SND1: variants seen among roughly 807,000 people sequenced by gnomAD.
SND1 encodes staphylococcal nuclease domain-containing protein 1.
Under a neutral mutation model 121.7 loss-of-function variants are expected in SND1, and 38 were observed. The ratio of observed to expected loss-of-function variants is 0.31; its 90% CI spans 0.24 to 0.41. SND1 has a LOEUF of 0.41. Ranked by LOEUF, SND1 falls within the 10% of genes least tolerant of loss-of-function variation. The pLI is 1.00. For missense variants in SND1, 868 were observed against 1,184.6 expected, an observed-to-expected ratio of 0.73 and a Z score of 3.92; for synonymous variants, 401 against 447.4, an observed-to-expected ratio of 0.90 and a Z score of 1.31.
intron 15 of SND1, among the ~76,000 whole-genome samples, chr7:127,939,600 G>A (rs1383755079): frequency 6.6e-6 from 1 of 152,180 alleles, no homozygotes; most frequent in Non-Finnish European, 1.5e-5. Flanking sequence ...GAGGGAGACA[G>A]CAAGGCCGAT....
At chr7:128,033,250 G>A (rs928283597) in intron 16 of SND1, among the ~76,000 whole-genome samples, 2 of 152,150 alleles carry the variant, frequency 1.3e-5, no homozygotes, top group African/African-American at 4.8e-5. Flanking sequence ...TAGGAGAAGG[G>A]GACTAGGTCA....
rs370033549 is a variant in SND1, at chr7:127,967,463, G to A, written c.1670-23484G>A. Among the ~76,000 whole-genome samples, 30 of 152,260 alleles carry A rather than the reference G, an allele frequency of 2.0e-4. No individual in the cohort carries two copies. The South Asian group carries it at 5.8e-3, about 29-fold the overall frequency. On this transcript the variant is annotated intron_variant, in intron 15 of 23. Transcript: ENST00000354725. Reference sequence around the variant, plus strand: ...TGCCATCCATGCTGTATCTTTCAGGGAGCATGAATAACTATGGCTTGATGT... The same window carrying A: ...TGCCATCCATGCTGTATCTTTCAGGAAGCATGAATAACTATGGCTTGATGT...
chr7:128,054,226 TG>T (rs1342320388), intron 16 of SND1, among the ~76,000 whole-genome samples: 1 of 152,134 alleles, frequency 6.6e-6, no homozygotes, highest in Non-Finnish European at 1.5e-5. Flanking sequence ...AGCCCTCCAG[TG>T]GCAGGAAGGC....
At position 128,081,475 on chromosome 7, in the gene SND1, A is replaced by G; in HGVS notation, c.2084A>G (p.His695Arg). ...VFVTEITDDL[H>R]FYVQDVETGT... ...GTGACTGAGATCACTGATGACCTGC[A>G]CTTCTACGTGCAGGATGTGGAGACC... The change falls in exon 18 of 24, where the codon CAC becomes CGC. Residue 695 changes from histidine to arginine, a missense_variant. By Grantham distance (29) the His-to-Arg change is conservative. Around this residue, in one of 2 missense-constraint regions of SND1, gnomAD observed 743 missense variants for 1,071.3 expected, o/e 0.69. Transcript: ENST00000354725. 6.2e-7 allele frequency: 1 copy of G among 1,614,114 alleles called. No individual in the cohort carries two copies. The highest frequency in any genetic ancestry group is 8.5e-7 in the Non-Finnish European group (1 of 1,180,006).
At chr7:128,003,384 T>G (rs1275286295) in intron 16 of SND1, among the ~76,000 whole-genome samples, 2 of 152,196 alleles carry the variant, frequency 1.3e-5, no homozygotes, top group Admixed American at 6.5e-5. Context: ...GCTGTTTTCC[T>G]TTTCAGCTTA....
At position 127,694,919 on chromosome 7, in the gene SND1, G is replaced by T; in HGVS notation, c.320G>T (p.Arg107Leu). 6.2e-7 allele frequency: 1 copy of T among 1,613,800 alleles called. No individual in the cohort carries two copies. Among genetic ancestry groups the T allele is most frequent in the Non-Finnish European group, 8.5e-7 (1 of 1,179,772 alleles). Residue 107 changes from arginine (R) to leucine (L), a missense_variant, in exon 3 of 24, where the codon CGA becomes CTA. Physicochemically the swap from Arg to Leu is moderately radical, Grantham distance 102. This residue lies in a region of SND1 where 743 missense variants were observed against 1,071.3 expected (regional missense o/e 0.69). Coordinates refer to ENST00000354725, the MANE Select transcript of SND1 (RefSeq NM_014390.4). The stretch of plus-strand genomic sequence containing the variant: ...ATAGAAAACAAGACTCCCCAGGGGC[G>T]AGAGTATGGCATGATCTACCTTGGA... ...FTIENKTPQG[R>L]EYGMIYLGKD... is the part of the protein sequence containing the mutation.
intron 12 of SND1, among the ~76,000 whole-genome samples, chr7:127,871,528 T>C (rs891987102): frequency 1.3e-5 from 2 of 152,192 alleles, no homozygotes; most frequent in Non-Finnish European, 2.9e-5. Context: ...TGCTCCATCA[T>C]TGACCAAAAC....
intron 4 of SND1, among the ~76,000 whole-genome samples, chr7:127,700,854 G>A (rs1446420686): frequency 2.0e-5 from 3 of 152,138 alleles, no homozygotes; most frequent in Non-Finnish European, 2.9e-5. Flanking sequence ...CTACCACCTG[G>A]AGCAACTCTG....
intron 9 of SND1, chr7:127,718,558 A>C: frequency 1.0e-6 from 1 of 985,402 alleles, no homozygotes; most frequent in Non-Finnish European, 1.2e-6. Context: ...TGGCAGTGGC[A>C]GAGTGCACAG....
intron 10 of SND1, among the ~76,000 whole-genome samples, chr7:127,798,961 C>T (rs1189926669): frequency 6.7e-6 from 1 of 149,040 alleles, no homozygotes; most frequent in Non-Finnish European, 1.5e-5. Context: ...GTGGAAGGAT[C>T]ATGTGAGCCT....
chr7:128,036,671 G>A (rs1792756661), intron 16 of SND1, among the ~76,000 whole-genome samples: 1 of 152,206 alleles, frequency 6.6e-6, no homozygotes, highest in South Asian at 2.1e-4. Context: ...AGTTTCTAGG[G>A]CTTACAGTTT....
chr7:127,670,780 G>A (rs1306867256), intron 1 of SND1, among the ~76,000 whole-genome samples: 1 of 151,376 alleles, frequency 6.6e-6, no homozygotes, highest in Non-Finnish European at 1.5e-5. Context: ...CCAAAGTGCT[G>A]GGATTATAGG....
Position 128,029,673 on chromosome 7 carries a change from G to A in SND1, c.1779+38617G>A. 1 of 1,613,910 alleles carries A rather than the reference G, an allele frequency of 6.2e-7. No individual in the cohort carries two copies. Among genetic ancestry groups the A allele is most frequent in the Non-Finnish European group, 8.5e-7 (1 of 1,179,986 alleles). The stretch of plus-strand genomic sequence containing the variant: ...AGCATGACAGCGGCCACAGCAGGTG[G>A]AATTGGTGGGTATATACTCTCGAAG... On this transcript the variant is annotated intron_variant, in intron 16 of 23. Transcript: ENST00000354725. This position sits in a 1 kb window ranked among gnomAD's most constrained non-coding sequence, Gnocchi z 4.2.
At chr7:127,936,535 C>A (rs1801065818) in intron 15 of SND1, among the ~76,000 whole-genome samples, 1 of 152,030 alleles carries the variant, frequency 6.6e-6, no homozygotes, top group Non-Finnish European at 1.5e-5. Flanking sequence ...TTTTTACTTT[C>A]TTTTTCTTTT....
chr7:127,875,683 G>A (rs1429316824), intron 12 of SND1, among the ~76,000 whole-genome samples: 1 of 152,076 alleles, frequency 6.6e-6, no homozygotes, highest in Non-Finnish European at 1.5e-5. Flanking sequence ...AATATATACT[G>A]CCTTTGTATT....
At chr7:127,811,883 T>G (rs1798341063) in intron 11 of SND1, among the ~76,000 whole-genome samples, 1 of 152,244 alleles carries the variant, frequency 6.6e-6, no homozygotes, top group African/African-American at 2.4e-5. Flanking sequence ...TTGAAATTTC[T>G]TCTGTGAAGT....
At chr7:127,978,913 C>T (rs1428033476) in intron 15 of SND1, among the ~76,000 whole-genome samples, 5 of 152,028 alleles carry the variant, frequency 3.3e-5, no homozygotes, top group Non-Finnish European at 7.4e-5. Context: ...TCTTGAACTC[C>T]TGACCTCAGG....
chr7:127,926,549 CTTTTT>C (rs71160605), intron 14 of SND1, among the ~76,000 whole-genome samples: 3 of 90,558 alleles, frequency 3.3e-5, no homozygotes, highest in African/African-American at 4.5e-5. Flanking sequence ...TTTTCTTTTT[CTTTTT>C]TTTTTTTTTT....
Position 128,043,863 on chromosome 7 carries a change from T to TAC in SND1, c.1780-30614_1780-30613dup, listed in dbSNP as rs10591985. Among the ~76,000 whole-genome samples the TAC allele has an allele frequency of 5.1e-3, 761 of 149,672 alleles. 5 individuals are homozygous for TAC. The highest frequency in any genetic ancestry group is 0.01 in the Middle Eastern group (3 of 286). ...ATATGTGTGTATATATATACACATATACACACACACACACACACACACACA... is the reference window on the plus strand; with the variant it reads ...ATATGTGTGTATATATATACACATATACACACACACACACACACACACACACA... On this transcript the variant is annotated intron_variant, in intron 16 of 23. Coordinates refer to ENST00000354725, the MANE Select transcript of SND1 (RefSeq NM_014390.4).
Sources: allele counts gnomAD v4.1 joint callset (sites outside exome capture counted in the v4.1 genomes callset), GRCh38; gene constraint gnomAD v4.1.1; regional missense constraint gnomAD v4.1.1; non-coding constraint Gnocchi (gnomAD v3.1); transcripts MANE v1.5; gene names NCBI Gene and HGNC (gene_info 2026-07-23, HGNC 2026-07-21).